EPS15: variants seen among roughly 807,000 people sequenced by gnomAD.
EPS15 encodes epidermal growth factor receptor substrate 15.
EPS15 carries 72 observed loss-of-function variants against 113.8 expected under a neutral mutation model. The ratio of observed to expected loss-of-function variants is 0.63; its 90% CI spans 0.52 to 0.77. The LOEUF (loss-of-function observed/expected upper bound fraction) is 0.77. EPS15 is among the 30% of genes least tolerant of loss of function. EPS15 has a pLI of 0.00. For missense variants in EPS15, 1,048 were observed against 1,045.8 expected, an observed-to-expected ratio of 1.00 and a Z score of -0.03; for synonymous variants, 344 against 363.4, an observed-to-expected ratio of 0.95 and a Z score of 0.61.
At chr1:51,509,160 T>C (rs1203073999) in intron 1 of EPS15, among the ~76,000 whole-genome samples, 3 of 152,116 alleles carry the variant, frequency 2.0e-5, no homozygotes, top group Non-Finnish European at 4.4e-5. Context: ...CTTACTAGAG[T>C]AGTGACACAC....
chr1:51,388,982 T>C (rs1647180858), intron 21 of EPS15, among the ~76,000 whole-genome samples: 1 of 152,202 alleles, frequency 6.6e-6, no homozygotes, highest in Non-Finnish European at 1.5e-5. Context: ...GCCAGCATCA[T>C]CCTGATACCA....
intron 24 of EPS15, among the ~76,000 whole-genome samples, chr1:51,357,391 A>AAAAAAAAAAATATATATATATATATAT (rs1491245303): frequency 1.5e-5 from 1 of 65,720 alleles, no homozygotes; most frequent in African/African-American, 7.0e-5. Context: ...AAAAAAAAAA[A>AAAAAAAAAAATATATATATATATATAT]ATATATATAT....
intron 1 of EPS15, among the ~76,000 whole-genome samples, chr1:51,500,971 T>A: frequency 1.4e-5 from 2 of 142,546 alleles, no homozygotes; most frequent in Non-Finnish European, 1.5e-5. Flanking sequence ...GCAACAAGAG[T>A]AAAACTCCAT....
chr1:51,472,367 T>C (rs1655304611), intron 3 of EPS15, among the ~76,000 whole-genome samples: 1 of 152,232 alleles, frequency 6.6e-6, no homozygotes, highest in South Asian at 2.1e-4. Context: ...TGATTGATAT[T>C]TGTGAATAAT....
chr1:51,409,388 C>T (rs1649471053), intron 14 of EPS15, 147 bp downstream of exon 14: 2 of 665,540 alleles, frequency 3.0e-6, no homozygotes, highest in Admixed American at 3.0e-5. Context: ...TCTGGATGAA[C>T]CTTGCTCCAT....
At chr1:51,414,647 C>T (rs1261722041) in intron 13 of EPS15, among the ~76,000 whole-genome samples, 2 of 152,088 alleles carry the variant, frequency 1.3e-5, no homozygotes, top group South Asian at 2.1e-4. Flanking sequence ...TCCCCACCCT[C>T]CCTCATACCC....
chr1:51,484,338 G>A (rs983684503), intron 1 of EPS15, among the ~76,000 whole-genome samples: 2 of 152,088 alleles, frequency 1.3e-5, no homozygotes, highest in Non-Finnish European at 2.9e-5. Flanking sequence ...GAGGCAGGAG[G>A]ACTGCTTGAA....
chr1:51,357,492 GTAGAT>G (rs1458461281), intron 24 of EPS15, among the ~76,000 whole-genome samples: 1 of 122,718 alleles, frequency 8.1e-6, no homozygotes, highest in South Asian at 2.6e-4. Context: ...AATGCTTATA[GTAGAT>G]TAGAAGATTT....
At chr1:51,404,117 C>A (rs767028013) in intron 16 of EPS15, among the ~76,000 whole-genome samples, 6 of 149,044 alleles carry the variant, frequency 4.0e-5, no homozygotes, top group Non-Finnish European at 8.8e-5. Flanking sequence ...GAGGCCGAGG[C>A]AGGCAGATCA....
chr1:51,486,550 T>G (rs1422548664), intron 1 of EPS15, among the ~76,000 whole-genome samples: 1 of 152,082 alleles, frequency 6.6e-6, no homozygotes, highest in African/African-American at 2.4e-5. Context: ...ACCTTGTGAC[T>G]AGATTGGACA....
intron 10 of EPS15, among the ~76,000 whole-genome samples, chr1:51,445,474 C>A (rs1652961046): frequency 6.6e-6 from 1 of 152,132 alleles, no homozygotes; most frequent in African/African-American, 2.4e-5. Context: ...TATTGCTATG[C>A]CTCCTGCAAC....
intron 1 of EPS15, among the ~76,000 whole-genome samples, chr1:51,508,231 A>AGAGAGAGAGAGAGAGAGAGAGAG (rs1463202344): frequency 1.8e-5 from 2 of 113,492 alleles, no homozygotes; most frequent in Admixed American, 1.8e-4. Flanking sequence ...AAGAAAAGAA[A>AGAGAGAGAGAGAGAGAGAGAGAG]AGAAAAGAAA....
intron 1 of EPS15, among the ~76,000 whole-genome samples, chr1:51,499,962 A>G (rs2148549082): frequency 6.6e-6 from 1 of 152,018 alleles, no homozygotes; most frequent in East Asian, 1.9e-4. Flanking sequence ...CTCCCCTTCA[A>G]CCCCTTGTTA....
chr1:51,426,955 C>A (rs1395475416), intron 12 of EPS15, among the ~76,000 whole-genome samples: 1 of 151,828 alleles, frequency 6.6e-6, no homozygotes, highest in African/African-American at 2.4e-5. Context: ...AACCCTCCTT[C>A]CCGCCCACTT....
intron 8 of EPS15, among the ~76,000 whole-genome samples, chr1:51,451,473 A>C (rs548304146): frequency 6.8e-6 from 1 of 146,270 alleles, no homozygotes; most frequent in African/African-American, 2.6e-5. Context: ...CCTGGGAAAC[A>C]GAGAGAGACT....
At chr1:51,387,862 A>G (rs375476066) in intron 21 of EPS15, among the ~76,000 whole-genome samples, 4 of 152,198 alleles carry the variant, frequency 2.6e-5, no homozygotes, top group Admixed American at 6.5e-5. Context: ...CTCCCACACA[A>G]TAATAATGGG....
At chr1:51,459,558 T>C (rs890747533) in intron 8 of EPS15, among the ~76,000 whole-genome samples, 6 of 152,056 alleles carry the variant, frequency 3.9e-5, no homozygotes, top group African/African-American at 1.2e-4. Flanking sequence ...AAAACTCTAA[T>C]ATCCTCCAAA....
chr1:51,402,693 C>A (rs1302139715), intron 17 of EPS15, among the ~76,000 whole-genome samples, 168 bp from the exon 18 acceptor site: 1 of 152,038 alleles, frequency 6.6e-6, no homozygotes, highest in East Asian at 1.9e-4. Flanking sequence ...GGGAGGCTGA[C>A]GTGGGCAGAT....
chr1:51,420,728 T>C (rs1052600539), intron 13 of EPS15, among the ~76,000 whole-genome samples: 2 of 152,074 alleles, frequency 1.3e-5, no homozygotes, highest in African/African-American at 4.8e-5. Flanking sequence ...ATAATAAATG[T>C]AGTCACCCAA....
Sources: allele counts gnomAD v4.1 joint callset (sites outside exome capture counted in the v4.1 genomes callset), GRCh38; gene constraint gnomAD v4.1.1; transcripts MANE v1.5; gene names NCBI Gene and HGNC (gene_info 2026-07-23, HGNC 2026-07-21).